The following ZNF248 variants were observed in gnomAD, a reference collection of about 807,000 sequenced individuals.
The protein encoded by ZNF248 is KRAB protein domain.
A neutral mutation model predicts 44.3 loss-of-function variants in ZNF248; 20 were observed. The observed-to-expected ratio is 0.45, with a 90% CI of 0.32 to 0.66. The LOEUF is 0.66. ZNF248 is among the 30% of genes least tolerant of loss of function. ZNF248 has a pLI of 0.04. For synonymous variants in ZNF248, 224 were observed against 229.0 expected (o/e 0.98, Z 0.20); for missense variants, 654 against 677.0 (o/e 0.97, Z 0.38).
intron 6 of ZNF248, among the ~76,000 whole-genome samples, chr10:37,808,385 C>CA (rs1386608320): frequency 6.6e-6 from 1 of 151,558 alleles, no homozygotes; most frequent in East Asian, 1.9e-4. Flanking sequence ...CAGGTTCAAG[C>CA]GATTCCCCTG....
downstream of ZNF248, among the ~76,000 whole-genome samples, chr10:37,828,057 T>C (rs2054664378): frequency 6.6e-6 from 1 of 152,216 alleles, no homozygotes; most frequent in African/African-American, 2.4e-5. Context: ...AAACTGTTCA[T>C]TGTGAGATCA....
intron 6 of ZNF248, among the ~76,000 whole-genome samples, chr10:37,801,199 AC>A (rs1416896217): frequency 1.3e-5 from 2 of 150,730 alleles, no homozygotes; most frequent in South Asian, 4.3e-4. Context: ...ACATGGTGAA[AC>A]CCCATCTCTA....
chr10:37,836,794 ACACACACACACG>A (rs1386879529), intron 5 of ZNF248, among the ~76,000 whole-genome samples: 4 of 146,644 alleles, frequency 2.7e-5, no homozygotes, highest in Non-Finnish European at 4.6e-5. Context: ...ACACACACAC[ACACACACACACG>A]CATTTTTTTG....
rs567123286 is a variant in ZNF248 at position 37,829,909 on chromosome 10, T to C, written c.*1706A>G. 14 of 985,362 alleles carry C rather than the reference T, an allele frequency of 1.4e-5. No individual in the cohort carries two copies. In the South Asian group the frequency reaches 4.7e-4, roughly 33 times the overall value. The allele number at this position is 985,362 out of a possible 1,614,324, so 61.0% of individuals were successfully genotyped here. A position where few individuals can be genotyped will look rare whatever the true frequency, so the allele number is the denominator to read the frequency against. On this transcript the variant is annotated 3_prime_UTR_variant, in exon 6 of 6. Coordinates refer to ENST00000395867, the MANE Select transcript of ZNF248 (RefSeq NM_021045.3). Reference sequence around the variant, plus strand: ...GACTAATCTGGACTTACCACCTAAGTCATCTGGGAGAAGGATGCACAAAAA... The same window carrying C: ...GACTAATCTGGACTTACCACCTAAGCCATCTGGGAGAAGGATGCACAAAAA...
intron 6 of ZNF248, among the ~76,000 whole-genome samples, chr10:37,805,394 A>C (rs1212108): frequency 0.2 from 30,044 of 152,222 alleles, 3,237 homozygotes; most frequent in Middle Eastern, 0.28. Context: ...ATAGAGCAGA[A>C]TTTAAAGCAG....
chr10:37,819,949 G>T, intron 6 of ZNF248: 1 of 767,718 alleles, frequency 1.3e-6, no homozygotes, highest in South Asian at 1.4e-5. Context: ...ATGTCGGACA[G>T]TAGTAAAGCG....
the ZNF248 span, among the ~76,000 whole-genome samples, chr10:37,769,709 G>A: frequency 1.3e-5 from 2 of 152,114 alleles, no homozygotes; most frequent in Non-Finnish European, 2.9e-5. Flanking sequence ...TTGAAAACTG[G>A]CACAAGACAG....
intron 6 of ZNF248, among the ~76,000 whole-genome samples, chr10:37,779,930 A>G (rs950517505): frequency 1.3e-5 from 2 of 151,018 alleles, no homozygotes; most frequent in Non-Finnish European, 3.0e-5. Context: ...TTCAAAGAGA[A>G]TAAAATACCT....
At chr10:37,827,032 G>C (rs957136235), downstream of ZNF248, among the ~76,000 whole-genome samples, 2 of 152,200 alleles carry the variant, frequency 1.3e-5, no homozygotes, top group Admixed American at 6.6e-5. Flanking sequence ...TGCCAAAGAA[G>C]ACTTATTCTC....
chr10:37,856,328 G>A lies in ZNF248; in HGVS notation c.-18C>T. The A allele has an allele frequency of 1.2e-6, 2 of 1,613,628 alleles. No homozygotes were observed. The highest frequency in any genetic ancestry group is 1.7e-6 in the Non-Finnish European group (2 of 1,179,796). ...TTGTTCATTTTCCGCTCTTAGTGGA[G>A]GAAGGAGAGCTGAAGGATTAGAAAG... is the stretch of plus-strand genomic sequence containing the variant. On this transcript the variant is annotated 5_prime_UTR_variant, in exon 3 of 6. Transcript: ENST00000395867.
intron 6 of ZNF248, among the ~76,000 whole-genome samples, chr10:37,781,814 GA>G (rs2047349421): frequency 1.3e-5 from 2 of 152,176 alleles, no homozygotes; most frequent in Admixed American, 6.5e-5. Flanking sequence ...ACAGCTTGTT[GA>G]ACAGTGAAGC....
downstream of ZNF248, among the ~76,000 whole-genome samples, chr10:37,775,765 C>T (rs1396332762): frequency 6.6e-6 from 1 of 152,186 alleles, no homozygotes; most frequent in Non-Finnish European, 1.5e-5. Context: ...TATTTGTTTA[C>T]TTACATTCCT....
At position 37,788,006 on chromosome 10, in the gene ZNF248, A is replaced by ATG. The variant is rs1367235379; in HGVS notation, c.331-11432_331-11431insCA. 3.3e-5 allele frequency among the ~76,000 whole-genome samples: 5 copies of ATG among 152,110 alleles called. No individual in the cohort carries two copies. The East Asian group carries it at 9.7e-4, about 30-fold the overall frequency. On this transcript the variant is annotated intron_variant, in intron 6 of 6. Coordinates refer to the ZNF248 transcript ENST00000615949. Reference sequence around the variant, plus strand: ...CAACTTGGCCAGGCATGGTGGCTCAAGTCTGTAATCCCAGCACTTTGGGAG... The same window carrying ATG: ...CAACTTGGCCAGGCATGGTGGCTCAATGGTCTGTAATCCCAGCACTTTGGGAG...
At position 37,792,408 on chromosome 10, in the gene ZNF248, C is replaced by G. The variant is rs564530408; in HGVS notation, c.331-15833G>C. On this transcript the variant is annotated intron_variant, in intron 6 of 6. Coordinates refer to the ZNF248 transcript ENST00000615949. ...AGATAAACAAATGAGAAAGAACAAACCTTCCTTTTGGAAGACTAGAAATAA... is the reference window on the plus strand; with the variant it reads ...AGATAAACAAATGAGAAAGAACAAAGCTTCCTTTTGGAAGACTAGAAATAA... Among the ~76,000 whole-genome samples the G allele has an allele frequency of 3.3e-5, 5 of 152,286 alleles. No individual in the cohort carries two copies. In the South Asian group the frequency reaches 1.0e-3, roughly 32 times the overall value.
the ZNF248 span, among the ~76,000 whole-genome samples, chr10:37,761,272 T>C: frequency 0.06 from 9,120 of 152,244 alleles, 354 homozygotes; most frequent in Middle Eastern, 0.095. Context: ...ATATCTGCCA[T>C]CCCTTAGGTC....
rs539779402 is a variant in ZNF248, at chr10:37,791,183, A to C, written c.331-14608T>G. On this transcript the variant is annotated intron_variant, in intron 6 of 6. Coordinates refer to the ZNF248 transcript ENST00000615949. ...CAGCCTCCCAAGTAGCTGAGACTGC[A>C]GGCACCCGCCACCACGACCGGCTAA... 1.2e-3 allele frequency among the ~76,000 whole-genome samples: 179 copies of C among 149,180 alleles called. No individual in the cohort carries two copies. The South Asian group carries it at 0.014, about 12-fold the overall frequency.
intron 6 of ZNF248, chr10:37,776,706 T>A (rs2046611946): frequency 2.7e-6 from 1 of 376,506 alleles, no homozygotes; most frequent in South Asian, 1.5e-4. Flanking sequence ...AGCAACACAG[T>A]CATGCAGCCT....
chr10:37,856,589 T>A, intron 1 of ZNF248, 57 bp from the exon 2 acceptor site: 1 of 1,118,368 alleles, frequency 8.9e-7, no homozygotes, highest in Non-Finnish European at 1.1e-6. Flanking sequence ...TTAACAGTAA[T>A]CTGAAGGAAA....
chr10:37,853,886 G>A (rs1181843081), intron 3 of ZNF248, among the ~76,000 whole-genome samples: 3 of 152,102 alleles, frequency 2.0e-5, no homozygotes, highest in Non-Finnish European at 4.4e-5. Flanking sequence ...GATGAAGCAT[G>A]ATATTGCAAA....
Sources: allele counts gnomAD v4.1 joint callset (sites outside exome capture counted in the v4.1 genomes callset), GRCh38; gene constraint gnomAD v4.1.1; transcripts MANE v1.5; gene names NCBI Gene and HGNC (gene_info 2026-07-23, HGNC 2026-07-21).